RAB33A: variants seen among roughly 807,000 people sequenced by gnomAD.
RAB33A encodes the protein RAB33A, member RAS oncogene family, also known as ras-related protein Rab-33A.
A neutral mutation model predicts 12.0 loss-of-function variants in RAB33A; 6 were observed. The ratio of observed to expected loss-of-function variants is 0.50; its 90% CI spans 0.27 to 0.99. The LOEUF is 0.99. Ranked by LOEUF, RAB33A falls within the 50% of genes least tolerant of loss-of-function variation. The pLI is 0.11. For synonymous variants in RAB33A, 70 were observed against 82.4 expected (o/e 0.85, Z 0.81); for missense variants, 109 against 192.0 (o/e 0.57, Z 2.55).
the RAB33A span, among the ~76,000 whole-genome samples, chrX:130,119,502 T>C: frequency 2.3e-4 from 26 of 110,949 alleles, no homozygotes; most frequent in African/African-American, 6.9e-4. Context: ...GCAGGTCAGA[T>C]TGGGGACAGA....
intron 1 of RAB33A, among the ~76,000 whole-genome samples, chrX:130,178,578 C>T (rs1217261213): frequency 1.8e-5 from 2 of 110,987 alleles, no homozygotes; most frequent in Non-Finnish European, 3.8e-5. Context: ...TGCAATGAGC[C>T]GAGATCATGC....
At chrX:130,130,260 G>A in the RAB33A span, 3 of 1,011,174 alleles carry the variant, frequency 3.0e-6, no homozygotes, top group African/African-American at 1.9e-5. Flanking sequence ...ACAGTCTTTC[G>A]AGGCCTGCTT....
intron 1 of RAB33A, among the ~76,000 whole-genome samples, chrX:130,182,068 C>A (rs1212398366): frequency 4.1e-5 from 4 of 97,712 alleles, no homozygotes; most frequent in African/African-American, 1.5e-4. Flanking sequence ...ATTTTGAGGC[C>A]GAGGCAGGAG....
chrX:130,166,131 G>T, the RAB33A span, among the ~76,000 whole-genome samples: 2 of 111,796 alleles, frequency 1.8e-5, no homozygotes, highest in African/African-American at 6.5e-5. Flanking sequence ...CCCCGGCATC[G>T]CACTTTGTTT....
the RAB33A span, among the ~76,000 whole-genome samples, chrX:130,119,499 A>C: frequency 9.0e-6 from 1 of 111,690 alleles, no homozygotes; most frequent in African/African-American, 3.3e-5. Context: ...ACTGCAGGTC[A>C]GATTGGGGAC....
chrX:130,150,625 G>GC, the RAB33A span, among the ~76,000 whole-genome samples: 1 of 104,569 alleles, frequency 9.6e-6, no homozygotes, highest in Non-Finnish European at 2.0e-5. Context: ...GTGAGCCACC[G>GC]CGCCCGGCCT....
chrX:130,150,977 C>CAAAAAAAAAA, the RAB33A span, among the ~76,000 whole-genome samples: 158 of 27,792 alleles, frequency 5.7e-3, 22 homozygotes, highest in African/African-American at 0.017. Flanking sequence ...GACTCTGTCT[C>CAAAAAAAAAA]AAAAAAAAAA....
At chrX:130,144,147 T>C in the RAB33A span, among the ~76,000 whole-genome samples, 1 of 111,847 alleles carries the variant, frequency 8.9e-6, no homozygotes, top group Admixed American at 9.5e-5. Context: ...ATAGGTACTA[T>C]ACAAATTTTA....
the RAB33A span, among the ~76,000 whole-genome samples, chrX:130,161,700 C>T: frequency 3.9e-5 from 4 of 103,164 alleles, no homozygotes; most frequent in African/African-American, 1.1e-4. Context: ...CTCCACTTCC[C>T]GGGTTCAAGC....
At chrX:130,146,678 T>A in the RAB33A span, among the ~76,000 whole-genome samples, 10 of 110,967 alleles carry the variant, frequency 9.0e-5, no homozygotes, top group African/African-American at 3.3e-4. Flanking sequence ...GAGATCTAAG[T>A]TGTCCATCAA....
the RAB33A span, among the ~76,000 whole-genome samples, chrX:130,136,904 T>C: frequency 1.8e-5 from 2 of 110,996 alleles, no homozygotes; most frequent in African/African-American, 3.3e-5. Flanking sequence ...TTCCAGGAAT[T>C]TGGGGCATCT....
At chrX:130,172,985 A>G (rs1257290972) in intron 1 of RAB33A, among the ~76,000 whole-genome samples, 1 of 111,267 alleles carries the variant, frequency 9.0e-6, no homozygotes, top group Non-Finnish European at 1.9e-5. Flanking sequence ...CCCTGGAATG[A>G]TATCTTCTTT....
At chrX:130,163,050 G>A in the RAB33A span, among the ~76,000 whole-genome samples, 81 of 111,432 alleles carry the variant, frequency 7.3e-4, no homozygotes, top group East Asian at 0.021. Flanking sequence ...TGCAAGGCAG[G>A]TTTAAAGTTT....
At chrX:130,123,458 G>A in the RAB33A span, among the ~76,000 whole-genome samples, 1 of 111,017 alleles carries the variant, frequency 9.0e-6, no homozygotes, top group Non-Finnish European at 1.9e-5. Context: ...CACTGTGGGA[G>A]GCCGAGATGG....
At chrX:130,135,962 A>G in the RAB33A span, 2 of 1,160,426 alleles carry the variant, frequency 1.7e-6, no homozygotes, top group East Asian at 3.0e-5. Flanking sequence ...TAGGCTGTTG[A>G]TGAGCTTTAG....
chrX:130,141,814 T>A, the RAB33A span, among the ~76,000 whole-genome samples: 1 of 112,059 alleles, frequency 8.9e-6, no homozygotes, highest in African/African-American at 3.2e-5. Context: ...TTATTCTACT[T>A]GTTGGTCACA....
chrX:130,179,255 G>T (rs1210830014), intron 1 of RAB33A, among the ~76,000 whole-genome samples: 6 of 111,888 alleles, frequency 5.4e-5, no homozygotes, highest in African/African-American at 2.0e-4. Flanking sequence ...CCTCCTGGCA[G>T]TTCCGGCAAT....
the RAB33A span, among the ~76,000 whole-genome samples, chrX:130,114,093 G>A: frequency 8.9e-6 from 1 of 112,147 alleles, no homozygotes; most frequent in East Asian, 2.8e-4. Context: ...GATCCCTCCC[G>A]TAAGTGAATG....
chrX:130,155,191 C>T, the RAB33A span: 1 of 1,211,450 alleles, frequency 8.3e-7, no homozygotes, highest in Non-Finnish European at 1.1e-6. Flanking sequence ...GTTGCTCCTA[C>T]AATTAAGAAG....
Sources: gnomAD v4.1 joint callset for allele counts (sites outside exome capture counted in the v4.1 genomes callset) on GRCh38, gnomAD v4.1.1 for gene constraint, MANE v1.5 for transcripts, NCBI Gene and HGNC (gene_info 2026-07-23, HGNC 2026-07-21) for gene names.